Variants in ANKZF1 observed in about 807,000 individuals in gnomAD.
ANKZF1 encodes tRNA endonuclease ANKZF1.
ANKZF1 carries 84 observed loss-of-function variants against 86.0 expected under a neutral mutation model. The ratio of observed to expected loss-of-function variants is 0.98; its 90% confidence interval spans 0.82 to 1.17. The LOEUF is 1.17. Among genes scored for constraint, ANKZF1 ranks in the 50% most tolerant of loss-of-function variants. The probability of loss-of-function intolerance (pLI) is 0.00; values close to 1 mark genes in which losing one functional copy is unlikely to be tolerated. For synonymous variants in ANKZF1, 331 were observed against 354.2 expected, an observed-to-expected ratio of 0.93 and a Z score of 0.74; for missense variants, 893 against 918.4, an observed-to-expected ratio of 0.97 and a Z score of 0.36.
Position 219,232,045 on chromosome 2 carries a change from TAGGTC to T in ANKZF1, c.261+10_261+14del, listed in dbSNP as rs1559252755. ...TTCCAGAACCACCAAGAACAGGTAATAGGTCAGGTGCAGAGCTAGATGTTAGAAGC... is the reference window on the plus strand; with the variant it reads ...TTCCAGAACCACCAAGAACAGGTAATAGGTGCAGAGCTAGATGTTAGAAGC... On this transcript the variant is annotated splice_donor_region_variant and intron_variant, in intron 3 of 13. Transcript: ENST00000323348. 2 of 1,599,862 alleles carry T rather than the reference TAGGTC, an allele frequency of 1.3e-6. No individual in the cohort carries two copies. The highest frequency in any genetic ancestry group is 1.7e-6 in the Non-Finnish European group (2 of 1,173,608).
chr2:219,236,029 G>A lies in ANKZF1; in HGVS notation c.1991G>A (p.Arg664His), dbSNP rs751077975. The change falls in exon 13 of 14, where the codon CGC (arginine) becomes CAC (histidine). Residue 664 changes from arginine to histidine, a missense_variant. Transcript: ENST00000323348. ...DREKRALAAE[R>H]RLAAQLGAPT... ...CCTCAGAGAGCTCTGGCTGCAGAGC[G>A]CCGACTCGCTGCCCAGTTGGGAGCC... The A allele has an allele frequency of 1.2e-5, 19 of 1,614,072 alleles. No homozygotes were observed. Among genetic ancestry groups the A allele is most frequent in the African/African-American group, 4.0e-5 (3 of 74,936 alleles).
Position 219,235,580 on chromosome 2 carries a change from G to A in ANKZF1, c.1798G>A (p.Ala600Thr), listed in dbSNP as rs1488721932. 4 of 1,613,980 alleles carry A rather than the reference G, an allele frequency of 2.5e-6. No individual in the cohort carries two copies. The highest frequency in any genetic ancestry group is 8.5e-7 in the Non-Finnish European group (1 of 1,179,998). ...KNPDAYDYNK[A>T]QVPGPLTPEM... ...TCCAGATGCCTACGATTACAACAAGGCTCAGGTCATCTGGAATAGGAAGGA... is the reference window on the plus strand; with the variant it reads ...TCCAGATGCCTACGATTACAACAAGACTCAGGTCATCTGGAATAGGAAGGA... Residue 600 changes from alanine to threonine, a missense_variant, in exon 11 of 14, where the codon GCT becomes ACT. Ala to Thr is a moderately conservative substitution (Grantham distance 58). Transcript: ENST00000323348.
In ANKZF1 at chr2:219,233,931, T is replaced by C. The variant is rs753505668; in HGVS notation, c.1036T>C (p.Leu346=). 9 of 1,577,920 alleles carry C rather than the reference T, an allele frequency of 5.7e-6. No individual in the cohort carries two copies. The highest frequency in any genetic ancestry group is 1.2e-5 in the South Asian group (1 of 85,112). Residue 346 remains leucine, a synonymous_variant, in exon 8 of 14, where the codon TTG becomes CTG. Transcript: ENST00000323348. ...GCGTGTGCTCCATAAGCTGACCACT[T>C]TGCATGTCTATGGTGAGCCTTTGCT... ...LQRVLHKLTT[L]HVYEEDPREA... is the part of the protein sequence containing the mutation.
chr2:219,230,327 C>G lies in ANKZF1; in HGVS notation c.70C>G (p.Pro24Ala), dbSNP rs372243770. The G allele has an allele frequency of 6.2e-5, 100 of 1,613,970 alleles. No homozygotes were observed. Among genetic ancestry groups the G allele is most frequent in the Admixed American group, 4.2e-4 (25 of 59,998 alleles). ...ISLFDLSADA[P>A]VFQGLSLVSH... Reference sequence around the variant, plus strand: ...CCTGTTTGACCTCAGCGCGGATGCTCCGGTCTTTCAGGGCCTGAGCCTGGT... The same window carrying G: ...CCTGTTTGACCTCAGCGCGGATGCTGCGGTCTTTCAGGGCCTGAGCCTGGT... Residue 24 changes from proline (P) to alanine (A), a missense_variant, in exon 2 of 14, where the codon CCG becomes GCG. Coordinates refer to ENST00000323348, the MANE Select transcript of ANKZF1 (RefSeq NM_018089.3).
In ANKZF1 at chr2:219,233,869, CCCT is replaced by C; in HGVS notation, c.976_978del (p.Leu326del). The C allele has an allele frequency of 6.2e-7, 1 of 1,612,150 alleles. No individual in the cohort carries two copies. The highest frequency in any genetic ancestry group is 2.2e-5 in the East Asian group (1 of 44,876). On this transcript the variant is annotated inframe_deletion, in exon 8 of 14. Coordinates refer to ENST00000323348, the MANE Select transcript of ANKZF1 (RefSeq NM_018089.3). ...GGGGATCCCCGACTTTGGGATATCC[CCCT>C]CGCCACCCGCAGACCCACCTTCCAA...
In ANKZF1 at chr2:219,235,053, C is replaced by T; in HGVS notation, c.1432C>T (p.Pro478Ser). 1 of 1,614,242 alleles carries T rather than the reference C, an allele frequency of 6.2e-7. No individual in the cohort carries two copies. Among genetic ancestry groups the T allele is most frequent in the Non-Finnish European group, 8.5e-7 (1 of 1,180,050 alleles). The change falls in exon 10 of 14, where the codon CCC becomes TCC. Residue 478 changes from proline (P) to serine (S), a missense_variant. Pro to Ser is a moderately conservative substitution (Grantham distance 74, BLOSUM62 -1). Transcript: ENST00000323348. ...ACAGTCATCCCAGGCAGTTGCTGCC[C>T]CCTTGGGCCCTTTGCTGGATGAGGC... The part of the protein sequence containing the change: ...STQSSQAVAA[P>S]LGPLLDEAKA...
In ANKZF1 at chr2:219,229,888, C is replaced by T. The variant is rs1202808445; in HGVS notation, c.-43C>T. The T allele has an allele frequency of 3.1e-5, 6 of 196,026 alleles. No individual in the cohort carries two copies. The South Asian group carries it at 4.4e-4, about 14-fold the overall frequency. The allele number at this position is 196,026 out of a possible 1,614,324, so 12.1% of individuals were successfully genotyped here. On this transcript the variant is annotated 5_prime_UTR_variant, in exon 1 of 14. Transcript: ENST00000323348. The surrounding 1 kb of genome is among the most constrained non-coding windows in gnomAD (Gnocchi z 4.2). ...CTGAGGACTTGCGAGCCGCTCAGCT[C>T]CCGGGACGTTTGGTGCGTCTTCTAA...
chr2:219,235,942 A>T, intron 12 of ANKZF1, 67 bp downstream of exon 12: 2 of 1,613,808 alleles, frequency 1.2e-6, no homozygotes, highest in South Asian at 1.1e-5. Context: ...CCCAGCGTGC[A>T]GCTGTCACCT....
In ANKZF1 at chr2:219,232,022, C is replaced by A; in HGVS notation, c.243C>A (p.Phe81Leu). 1 of 1,607,966 alleles carries A rather than the reference C, an allele frequency of 6.2e-7. No homozygotes were observed. Among genetic ancestry groups the A allele is most frequent in the Non-Finnish European group, 8.5e-7 (1 of 1,177,908 alleles). ...KLFCSTCDQT[F>L]QNHQEQREHY... is the part of the protein sequence containing the mutation. ...TTTGTTCAACTTGTGACCAGACCTTCCAGAACCACCAAGAACAGGTAATAG... is the reference window on the plus strand; with the variant it reads ...TTTGTTCAACTTGTGACCAGACCTTACAGAACCACCAAGAACAGGTAATAG... Residue 81 changes from phenylalanine (F) to leucine (L), a missense_variant, in exon 3 of 14, where the codon TTC (phenylalanine) becomes TTA (leucine). By Grantham distance (22) the Phe-to-Leu change is conservative (BLOSUM62 0). Coordinates refer to ENST00000323348, the MANE Select transcript of ANKZF1 (RefSeq NM_018089.3).
chr2:219,234,717 CT>C, intron 9 of ANKZF1, 108 bp from the exon 10 acceptor site: 2 of 1,410,042 alleles, frequency 1.4e-6, no homozygotes, highest in Non-Finnish European at 1.9e-6. Context: ...CTACTTTTAT[CT>C]GGGTGACAAA....
intron 2 of ANKZF1, chr2:219,231,532 C>CT (rs1369766665): frequency 1.4e-5 from 3 of 214,866 alleles, no homozygotes; most frequent in African/African-American, 7.1e-5. Context: ...GTAGCTGGGA[C>CT]TACAGGCATC....
At chr2:219,232,061 C>A (rs1013432942) in intron 3 of ANKZF1, 21 bp downstream of exon 3, 21 of 1,576,628 alleles carry the variant, frequency 1.3e-5, no homozygotes, top group Middle Eastern at 3.4e-4. Context: ...AGGTGCAGAG[C>A]TAGATGTTAG....
chr2:219,232,697 C>G lies in ANKZF1; in HGVS notation c.558+14C>G, dbSNP rs1574847102. On this transcript the variant is annotated intron_variant, in intron 5 of 13. Transcript: ENST00000323348. ...GGCCCTCATCAGGCAAGTGACAGTACAGGTTGCATGGCTAACCCCAGCCTT... is the reference window on the plus strand; with the variant it reads ...GGCCCTCATCAGGCAAGTGACAGTAGAGGTTGCATGGCTAACCCCAGCCTT... 6.2e-7 allele frequency: 1 copy of G among 1,610,428 alleles called. No individual in the cohort carries two copies. Among genetic ancestry groups the G allele is most frequent in the Non-Finnish European group, 8.5e-7 (1 of 1,178,228 alleles).
intron 1 of ANKZF1, 151 bp from the exon 2 acceptor site, chr2:219,230,077 G>A (rs928760973): frequency 1.0e-5 from 6 of 585,002 alleles, no homozygotes; most frequent in Non-Finnish European, 1.1e-5. Context: ...TGAGAAAGTG[G>A]ACGGGGGCCA....
In ANKZF1 at chr2:219,230,415, A is replaced by G; in HGVS notation, c.148+10A>G. On this transcript the variant is annotated intron_variant, in intron 2 of 13. Coordinates refer to ENST00000323348, the MANE Select transcript of ANKZF1 (RefSeq NM_018089.3). ...CGTACTTCCTGTTCAGGTATCCTGGAAGGTTTCGTGTGAAACGTGACAGGG... is the reference window on the plus strand; with the variant it reads ...CGTACTTCCTGTTCAGGTATCCTGGGAGGTTTCGTGTGAAACGTGACAGGG... The G allele has an allele frequency of 6.3e-7, 1 of 1,597,572 alleles. No homozygotes were observed.
rs780469403 is a variant in ANKZF1, at chr2:219,234,245, T to C, written c.1161T>C (p.Asp387=). 1.9e-5 allele frequency: 31 copies of C among 1,613,848 alleles called. No homozygotes were observed. Among genetic ancestry groups the C allele is most frequent in the Non-Finnish European group, 2.6e-5 (31 of 1,180,040 alleles). The change falls in exon 9 of 14, where the codon GAT becomes GAC. Residue 387 remains aspartate, a synonymous_variant. Coordinates refer to ENST00000323348, the MANE Select transcript of ANKZF1 (RefSeq NM_018089.3). The part of the protein sequence containing the change: ...TEEEIRKICR[D]EKEALGQNEE... ...AAGAAATAAGAAAGATCTGCAGGGA[T>C]GAAAAGGAAGCGCTGGGGCAGAATG...
chr2:219,232,548 G>C lies in ANKZF1; in HGVS notation c.423G>C (p.Leu141Phe). Residue 141 changes from leucine to phenylalanine, a missense_variant, in exon 5 of 14, where the codon TTG (leucine) becomes TTC (phenylalanine). Transcript: ENST00000323348. ...CAGACTCAGCCAGTGAGGAGGACTT[G>C]CAGACACTGGATCGGGAGAGGGCTA... ...EDSDSASEED[L>F]QTLDRERATF... The C allele has an allele frequency of 6.2e-7, 1 of 1,614,216 alleles. No individual in the cohort carries two copies.
Position 219,231,966 on chromosome 2 carries a change from C to T in ANKZF1, c.187C>T (p.Gln63Ter). ...AGAAAGCCCAGAAAGAAAGCTACTC[C>T]AGGGTCCTATGGATATTTCAGAGAA... ...ERESPERKLL[Q>*]GPMDISEKLF... The change falls in exon 3 of 14, where the codon CAG becomes TAG. Residue 63 changes from glutamine to a stop codon, truncating the protein, a stop_gained. Transcript: ENST00000323348. LOFTEE classifies it high-confidence loss of function. 1 of 1,614,024 alleles carries T rather than the reference C, an allele frequency of 6.2e-7. No individual in the cohort carries two copies. The highest frequency in any genetic ancestry group is 8.5e-7 in the Non-Finnish European group (1 of 1,179,992).
At chr2:219,233,542 A>G in intron 7 of ANKZF1, 109 bp downstream of exon 7, 1 of 1,438,206 alleles carries the variant, frequency 7.0e-7, no homozygotes, top group South Asian at 1.4e-5. Flanking sequence ...TCCAATTTTC[A>G]TTATAGGTAG....
Sources: gnomAD v4.1 joint callset for allele counts on GRCh38, gnomAD v4.1.1 for gene constraint, Gnocchi (gnomAD v3.1) non-coding constraint, MANE v1.5 for transcripts, NCBI Gene and HGNC (gene_info 2026-07-23, HGNC 2026-07-21) for gene names.